AKR1C8: variants seen among roughly 807,000 people sequenced by gnomAD.
The protein encoded by AKR1C8 is aldo-keto reductase family 1 member C-like protein 1.
the AKR1C8 span, chr10:5,163,134 T>C: frequency 2.4e-6 from 1 of 409,990 alleles, no homozygotes; most frequent in Non-Finnish European, 4.9e-6. Context: ...CCAATTTTGA[T>C]GACACGGGTT....
the AKR1C8 span, among the ~76,000 whole-genome samples, chr10:5,125,090 T>C: frequency 7.8e-4 from 119 of 152,304 alleles, no homozygotes; most frequent in Middle Eastern, 0.014. Context: ...TTACCACTTA[T>C]TTAACATCTC....
the AKR1C8 span, among the ~76,000 whole-genome samples, chr10:5,119,255 G>A: frequency 6.6e-6 from 1 of 152,182 alleles, no homozygotes; most frequent in Admixed American, 6.6e-5. Context: ...CACCATGCCA[G>A]AACATGGGTA....
the AKR1C8 span, among the ~76,000 whole-genome samples, chr10:5,120,696 G>A: frequency 1.8e-4 from 27 of 151,872 alleles, no homozygotes; most frequent in East Asian, 3.9e-4. Flanking sequence ...ATTTTTGTTC[G>A]TTCAAAAATG....
the AKR1C8 span, among the ~76,000 whole-genome samples, chr10:5,135,643 T>C: frequency 6.6e-6 from 1 of 152,272 alleles, no homozygotes; most frequent in African/African-American, 2.4e-5. Flanking sequence ...AATTATCATA[T>C]GTTGGACTAT....
chr10:5,122,663 A>G, the AKR1C8 span, among the ~76,000 whole-genome samples: 2 of 152,166 alleles, frequency 1.3e-5, no homozygotes, highest in African/African-American at 2.4e-5. Flanking sequence ...CATAACATCT[A>G]TGTGTCTCAA....
the AKR1C8 span, chr10:5,123,949 C>T: frequency 1.1e-6 from 1 of 950,502 alleles, no homozygotes; most frequent in Non-Finnish European, 1.5e-6. Context: ...GACAATATTA[C>T]TGTCAACTAA....
the AKR1C8 span, among the ~76,000 whole-genome samples, chr10:5,163,653 G>A: frequency 6.6e-6 from 1 of 152,126 alleles, no homozygotes; most frequent in Admixed American, 6.5e-5. Context: ...GTGGGTTCTT[G>A]GTAAAACTCC....
At chr10:5,132,027 T>C in the AKR1C8 span, among the ~76,000 whole-genome samples, 1 of 152,182 alleles carries the variant, frequency 6.6e-6, no homozygotes, top group Admixed American at 6.6e-5. Flanking sequence ...ATAATGTCTT[T>C]TGTAGCAACT....
the AKR1C8 span, among the ~76,000 whole-genome samples, chr10:5,158,285 T>A: frequency 6.6e-6 from 1 of 152,320 alleles, no homozygotes; most frequent in Admixed American, 6.5e-5. Flanking sequence ...ACATTAGGGA[T>A]GTGGGTTACA....
chr10:5,171,940 G>A, the AKR1C8 span, among the ~76,000 whole-genome samples: 2 of 152,000 alleles, frequency 1.3e-5, no homozygotes, highest in South Asian at 2.1e-4. Flanking sequence ...CACATAAACT[G>A]TTTCTTCAAT....
the AKR1C8 span, among the ~76,000 whole-genome samples, chr10:5,146,137 G>A: frequency 2.8e-5 from 4 of 141,322 alleles, no homozygotes; most frequent in Non-Finnish European, 3.0e-5. Flanking sequence ...TCATAGGTGG[G>A]AATTGAACAA....
the AKR1C8 span, among the ~76,000 whole-genome samples, chr10:5,146,513 C>T: frequency 9.0e-3 from 1,365 of 152,160 alleles, 29 homozygotes; most frequent in African/African-American, 0.03. Flanking sequence ...GCTTATGTCT[C>T]GTAATATAGA....
the AKR1C8 span, chr10:5,123,251 C>CT: frequency 0.28 from 55,590 of 200,678 alleles, 8,361 homozygotes; most frequent in Middle Eastern, 0.4. Flanking sequence ...TGCAGGAGTC[C>CT]TAATGCCCAC....
At chr10:5,130,638 G>T in the AKR1C8 span, among the ~76,000 whole-genome samples, 2 of 151,818 alleles carry the variant, frequency 1.3e-5, no homozygotes, top group African/African-American at 4.8e-5. Context: ...CAACAACCAT[G>T]CTGAGAGTCA....
At chr10:5,138,697 T>C in the AKR1C8 span, among the ~76,000 whole-genome samples, 1 of 152,198 alleles carries the variant, frequency 6.6e-6, no homozygotes, top group African/African-American at 2.4e-5. Flanking sequence ...TCACAATTTA[T>C]GTTCCTCTGC....
At chr10:5,139,930 G>T in the AKR1C8 span, among the ~76,000 whole-genome samples, 126 of 152,086 alleles carry the variant, frequency 8.3e-4, 2 homozygotes, top group South Asian at 0.024. Context: ...AATCTACAAA[G>T]AACTTAAACA....
At chr10:5,173,781 A>G in the AKR1C8 span, among the ~76,000 whole-genome samples, 2 of 151,892 alleles carry the variant, frequency 1.3e-5, no homozygotes, top group African/African-American at 4.8e-5. Flanking sequence ...AGAACACTCA[A>G]CTAAAGATTG....
chr10:5,174,725 A>G, the AKR1C8 span, among the ~76,000 whole-genome samples: 1 of 152,044 alleles, frequency 6.6e-6, no homozygotes, highest in Non-Finnish European at 1.5e-5. Context: ...TTACATACAA[A>G]CTATGTAAAA....
the AKR1C8 span, among the ~76,000 whole-genome samples, chr10:5,167,110 T>C: frequency 4.6e-5 from 7 of 151,448 alleles, no homozygotes; most frequent in Admixed American, 6.6e-5. Context: ...GTTAGAATGG[T>C]GATCATTAAA....
Sources: gnomAD v4.1 joint callset for allele counts (sites outside exome capture counted in the v4.1 genomes callset) on GRCh38, gnomAD v4.1.1 for gene constraint, MANE v1.5 for transcripts, NCBI Gene and HGNC (gene_info 2026-07-23, HGNC 2026-07-21) for gene names.